The following QSER1 variants were observed in gnomAD, a reference collection of about 807,000 sequenced individuals.
The protein encoded by QSER1 is glutamine and serine rich 1, also known as glutamine and serine-rich protein 1.
In QSER1, 49 loss-of-function variants were observed where a neutral mutation model predicts 158.5. That is an observed-to-expected ratio of 0.31 (90% CI 0.25 to 0.39). The LOEUF is 0.39. QSER1 is among the 10% of genes least tolerant of loss of function. The pLI, the probability that QSER1 is intolerant of heterozygous loss-of-function variation, is 1.00. For synonymous variants in QSER1, 650 were observed against 715.5 expected, an observed-to-expected ratio of 0.91 and a Z score of 1.46; for missense variants, 1,754 against 2,010.3, an observed-to-expected ratio of 0.87 and a Z score of 2.44.
At chr11:32,930,221 A>T (rs1286132642) in intron 3 of QSER1, among the ~76,000 whole-genome samples, 1 of 152,204 alleles carries the variant, frequency 6.6e-6, no homozygotes, top group Non-Finnish European at 1.5e-5. Context: ...TTAGAGTTTC[A>T]TGAATATCAC....
chr11:32,919,378 T>C (rs1851873099), intron 1 of QSER1, among the ~76,000 whole-genome samples: 2 of 152,192 alleles, frequency 1.3e-5, no homozygotes, highest in Admixed American at 1.3e-4. Flanking sequence ...TTACTTTGCT[T>C]TTGATAACCT....
chr11:32,968,124 ATTTT>A (rs1012027107), intron 9 of QSER1, among the ~76,000 whole-genome samples: 9 of 152,102 alleles, frequency 5.9e-5, no homozygotes, highest in African/African-American at 1.4e-4. Context: ...AGGGGAGAAA[ATTTT>A]TTAAGATTAT....
At chr11:32,971,303 G>T (rs982142289) in intron 10 of QSER1, among the ~76,000 whole-genome samples, 4 of 152,224 alleles carry the variant, frequency 2.6e-5, no homozygotes, top group African/African-American at 9.6e-5. Context: ...GAGAAAGAAA[G>T]ATTTTTCTGT....
At chr11:32,956,597 T>A (rs553318180) in intron 7 of QSER1, among the ~76,000 whole-genome samples, 41 of 152,350 alleles carry the variant, frequency 2.7e-4, no homozygotes, top group African/African-American at 9.6e-4. Flanking sequence ...GTCTGGAGCA[T>A]GAATCTGGAA....
chr11:32,947,477 A>G (rs866878292), intron 4 of QSER1, among the ~76,000 whole-genome samples: 7 of 152,292 alleles, frequency 4.6e-5, no homozygotes, highest in Middle Eastern at 6.8e-3. Flanking sequence ...GAAAATGTTT[A>G]TATGTGTGTA....
At chr11:32,947,852 ATC>A (rs919925988) in intron 4 of QSER1, among the ~76,000 whole-genome samples, 6 of 152,296 alleles carry the variant, frequency 3.9e-5, no homozygotes, top group Admixed American at 1.3e-4. Flanking sequence ...TCATAATAAA[ATC>A]TCTTTTTCCC....
chr11:32,928,207 G>T, intron 3 of QSER1, 84 bp downstream of exon 3: 1 of 809,802 alleles, frequency 1.2e-6, no homozygotes, highest in South Asian at 1.8e-5. Context: ...ATTGTGGCTG[G>T]GAGTTTTGTT....
rs754223309 is a variant in QSER1, at chr11:32,933,807, C to G, written c.2549C>G (p.Pro850Arg). Residue 850 changes from proline (P) to arginine (R), a missense_variant, in exon 4 of 13, where the codon CCT becomes CGT. Pro to Arg is a moderately radical substitution (Grantham distance 103). Around this residue, in one of 2 missense-constraint regions of QSER1, gnomAD observed 1,707 missense variants for 1,919.6 expected, o/e 0.89. Transcript: ENST00000650167. ...GGGCATGGCCATCAGGCATCTCTTC[C>G]TAATACACAGGTCCTTTTAGATTCT... ...ALGHGHQASL[P>R]NTQVLLDSAC... The G allele has an allele frequency of 6.2e-6, 10 of 1,613,896 alleles. No homozygotes were observed. The South Asian group carries it at 9.9e-5, about 16-fold the overall frequency.
At chr11:32,904,983 T>G (rs1238632107) in intron 1 of QSER1, among the ~76,000 whole-genome samples, 1 of 152,240 alleles carries the variant, frequency 6.6e-6, no homozygotes, top group Non-Finnish European at 1.5e-5. Flanking sequence ...ATATAATAAC[T>G]GTTCAATGAA....
intron 8 of QSER1, among the ~76,000 whole-genome samples, chr11:32,958,910 TTTG>T (rs1048830629): frequency 6.6e-6 from 1 of 152,194 alleles, no homozygotes; most frequent in African/African-American, 2.4e-5. Flanking sequence ...GTTGAAATAA[TTTG>T]TTATCAAACT....
intron 1 of QSER1, among the ~76,000 whole-genome samples, chr11:32,917,408 C>G (rs892895612): frequency 2.0e-5 from 3 of 152,098 alleles, no homozygotes; most frequent in African/African-American, 7.2e-5. Flanking sequence ...TGATGTTTAA[C>G]TTTTTGAGGG....
At chr11:32,949,719 A>G (rs1852391182) in intron 4 of QSER1, among the ~76,000 whole-genome samples, 1 of 152,254 alleles carries the variant, frequency 6.6e-6, no homozygotes, top group African/African-American at 2.4e-5. Context: ...ATAACATAGT[A>G]TGGGCTCCTA....
intron 12 of QSER1, among the ~76,000 whole-genome samples, chr11:32,976,035 G>A (rs893644058): frequency 1.3e-5 from 2 of 152,162 alleles, no homozygotes; most frequent in Non-Finnish European, 2.9e-5. Flanking sequence ...AAGCAAAGAT[G>A]GTGATGCAAC....
At chr11:32,948,065 TC>T (rs758780121) in intron 4 of QSER1, among the ~76,000 whole-genome samples, 4 of 152,172 alleles carry the variant, frequency 2.6e-5, no homozygotes, top group Non-Finnish European at 4.4e-5. Flanking sequence ...CAAGCAGTAT[TC>T]CCTGGGTACA....
chr11:32,980,103 A>G lies in QSER1; in HGVS notation c.*3629A>G, dbSNP rs1268804641. On this transcript the variant is annotated 3_prime_UTR_variant, in exon 13 of 13. Transcript: ENST00000650167. ...ATGTGTTAGCAAATCACCTTTATTT[A>G]TAAGTGACAATAATTGAAGTTAAGG... 2 of 152,656 alleles carry G rather than the reference A, an allele frequency of 1.3e-5. No individual in the cohort carries two copies. Among genetic ancestry groups the G allele is most frequent in the Non-Finnish European group, 2.9e-5 (2 of 68,030 alleles). 9.5% of individuals were successfully genotyped at this position (152,656 alleles called of 1,614,324 possible).
chr11:32,913,948 G>A (rs999605451), intron 1 of QSER1, among the ~76,000 whole-genome samples: 3 of 152,000 alleles, frequency 2.0e-5, no homozygotes, highest in Admixed American at 6.6e-5. Flanking sequence ...AAGTTCCCTC[G>A]TTTATTTTTT....
chr11:32,941,711 T>G (rs991802814), intron 4 of QSER1, among the ~76,000 whole-genome samples: 1 of 152,192 alleles, frequency 6.6e-6, no homozygotes, highest in Non-Finnish European at 1.5e-5. Flanking sequence ...TGTGTCTTTA[T>G]AGCAGCATGA....
chr11:32,934,022 G>T lies in QSER1; in HGVS notation c.2764G>T (p.Val922Phe). The T allele has an allele frequency of 6.2e-7, 1 of 1,613,634 alleles. No homozygotes were observed. The highest frequency in any genetic ancestry group is 8.5e-7 in the Non-Finnish European group (1 of 1,179,866). The change falls in exon 4 of 13, where the codon GTT becomes TTT. Residue 922 changes from valine to phenylalanine, a missense_variant. Val to Phe is a conservative substitution (Grantham distance 50). This residue lies in a region of QSER1 where 1,707 missense variants were observed against 1,919.6 expected (regional missense o/e 0.89). Transcript: ENST00000650167. ...GCAACTCCATCCTCAAAATTCTGAA[G>T]TTATGAAAATGGACCTCTCTGAGTC... ...QQQLHPQNSE[V>F]MKMDLSESSK...
intron 1 of QSER1, chr11:32,926,745 G>T (rs1436713650): frequency 6.6e-6 from 1 of 152,072 alleles, no homozygotes; most frequent in Non-Finnish European, 1.5e-5. Context: ...GGTTATGGAG[G>T]TTATTTCATC....
Sources: allele counts gnomAD v4.1 joint callset (sites outside exome capture counted in the v4.1 genomes callset), GRCh38; gene constraint gnomAD v4.1.1; regional missense constraint gnomAD v4.1.1; transcripts MANE v1.5; gene names NCBI Gene and HGNC (gene_info 2026-07-23, HGNC 2026-07-21).